Variants in MARCHF1 observed in about 807,000 individuals in gnomAD.
MARCHF1 encodes the protein membrane associated ring-CH-type finger 1.
MARCHF1 carries 40 observed loss-of-function variants against 54.2 expected under a neutral mutation model. The observed-to-expected ratio is 0.74, with a 90% CI of 0.57 to 0.96. MARCHF1 has a LOEUF of 0.96. MARCHF1 is among the 40% of genes least tolerant of loss of function. The pLI is 0.00. For synonymous variants in MARCHF1, 236 were observed against 236.3 expected, an observed-to-expected ratio of 1.00 and a Z score of 0.01; for missense variants, 586 against 656.5, an observed-to-expected ratio of 0.89 and a Z score of 1.17.
At chr4:163,818,267 A>T (rs897073846) in intron 4 of MARCHF1, among the ~76,000 whole-genome samples, 13 of 151,724 alleles carry the variant, frequency 8.6e-5, no homozygotes, top group African/African-American at 2.4e-4. Context: ...TTTTATTATT[A>T]TTTTTTTAAG....
chr4:164,378,154 G>A (rs779243128), intron 1 of MARCHF1, among the ~76,000 whole-genome samples: 8 of 152,198 alleles, frequency 5.3e-5, no homozygotes, highest in Non-Finnish European at 8.8e-5. Context: ...TTCACAATAT[G>A]TTTTTTCCCC....
chr4:164,176,915 T>C (rs988095460), intron 1 of MARCHF1, among the ~76,000 whole-genome samples: 1 of 145,374 alleles, frequency 6.9e-6, no homozygotes, highest in African/African-American at 2.5e-5. Context: ...TAAATTCAAT[T>C]TGTTATTTAT....
intron 4 of MARCHF1, among the ~76,000 whole-genome samples, chr4:163,723,464 C>G (rs1236342419): frequency 6.6e-6 from 1 of 152,134 alleles, no homozygotes; most frequent in East Asian, 1.9e-4. Context: ...ACATTTTTTC[C>G]TTCATTTCAA....
At chr4:164,344,035 T>C (rs1271827777) in intron 1 of MARCHF1, among the ~76,000 whole-genome samples, 1 of 152,150 alleles carries the variant, frequency 6.6e-6, no homozygotes, top group East Asian at 1.9e-4. Flanking sequence ...CATGGACTAC[T>C]ATGCAGCCAT....
intron 1 of MARCHF1, among the ~76,000 whole-genome samples, chr4:164,326,449 G>A (rs1379694731): frequency 2.0e-5 from 3 of 152,108 alleles, no homozygotes; most frequent in Non-Finnish European, 4.4e-5. Context: ...AGAGATACAG[G>A]TAATCATCAA....
At chr4:163,783,796 T>G (rs1428973187) in intron 4 of MARCHF1, among the ~76,000 whole-genome samples, 1 of 152,202 alleles carries the variant, frequency 6.6e-6, no homozygotes, top group Non-Finnish European at 1.5e-5. Context: ...GCTGGTCCCT[T>G]TCTCATAATA....
intron 5 of MARCHF1, among the ~76,000 whole-genome samples, chr4:163,641,809 G>A (rs181583236): frequency 3.9e-4 from 60 of 152,264 alleles, no homozygotes; most frequent in Non-Finnish European, 6.8e-4. Flanking sequence ...CTAGAGATTA[G>A]TGAGACAAAG....
At chr4:163,762,665 T>C (rs1163824008) in intron 4 of MARCHF1, among the ~76,000 whole-genome samples, 1 of 152,122 alleles carries the variant, frequency 6.6e-6, no homozygotes, top group Middle Eastern at 3.2e-3. Context: ...ATTATACAAA[T>C]AGCACACTTA....
chr4:164,369,058 T>C lies in MARCHF1; in HGVS notation c.-323+14812A>G, dbSNP rs545635910. ...GCAAGGGTCCATCAGAGTTGTCCTA[T>C]GACTGAACGTTTATATCAGCTCCCT... is the stretch of plus-strand genomic sequence containing the variant. On this transcript the variant is annotated intron_variant, in intron 1 of 9. Transcript: ENST00000514618. Among the ~76,000 whole-genome samples the C allele has an allele frequency of 4.4e-5, 6 of 135,400 alleles. No homozygotes were observed. In the East Asian group the frequency reaches 1.3e-3, roughly 30 times the overall value. 88.8% of individuals were successfully genotyped at this position (135,400 alleles called of 152,430 possible).
intron 3 of MARCHF1, among the ~76,000 whole-genome samples, chr4:163,940,587 T>C (rs1228064787): frequency 6.6e-6 from 1 of 152,190 alleles, no homozygotes; most frequent in East Asian, 1.9e-4. Flanking sequence ...GCATCAGGTG[T>C]AACATCAAAA....
At chr4:164,328,617 C>T (rs1392626382) in intron 1 of MARCHF1, among the ~76,000 whole-genome samples, 1 of 151,792 alleles carries the variant, frequency 6.6e-6, no homozygotes, top group Non-Finnish European at 1.5e-5. Context: ...GCAACCTCTG[C>T]CTCCTGGGTT....
intron 8 of MARCHF1, among the ~76,000 whole-genome samples, chr4:163,579,724 CATT>C (rs1221073563): frequency 6.6e-6 from 1 of 151,944 alleles, no homozygotes; most frequent in Non-Finnish European, 1.5e-5. Flanking sequence ...TTTTTGCAAG[CATT>C]ATAGGAAAGC....
chr4:164,063,915 G>A (rs1266864333), intron 2 of MARCHF1, among the ~76,000 whole-genome samples: 1 of 152,014 alleles, frequency 6.6e-6, no homozygotes, highest in Admixed American at 6.6e-5. Context: ...TATTTAATAG[G>A]GAATTATTTC....
At chr4:163,616,817 A>G (rs1741529827) in intron 5 of MARCHF1, among the ~76,000 whole-genome samples, 1 of 150,784 alleles carries the variant, frequency 6.6e-6, no homozygotes, top group Non-Finnish European at 1.5e-5. Context: ...TTGGAATGTA[A>G]TTTAGTACAG....
chr4:163,851,316 T>C (rs1049937634), intron 4 of MARCHF1, among the ~76,000 whole-genome samples: 5 of 152,146 alleles, frequency 3.3e-5, no homozygotes, highest in Non-Finnish European at 7.4e-5. Flanking sequence ...GACCTCTAGA[T>C]TGGGAGACTT....
intron 4 of MARCHF1, among the ~76,000 whole-genome samples, chr4:163,800,580 A>C (rs1238816538): frequency 6.6e-6 from 1 of 152,068 alleles, no homozygotes; most frequent in Admixed American, 6.6e-5. Context: ...GATGACAATA[A>C]AAAGATACAT....
chr4:163,541,730 T>C (rs185085651), intron 9 of MARCHF1, among the ~76,000 whole-genome samples: 28 of 152,334 alleles, frequency 1.8e-4, no homozygotes, highest in African/African-American at 6.3e-4. Flanking sequence ...TTTAAAATAT[T>C]TTAAAGGTTT....
intron 1 of MARCHF1, among the ~76,000 whole-genome samples, chr4:164,325,637 G>A (rs1735256986): frequency 2.0e-5 from 3 of 151,952 alleles, no homozygotes; most frequent in African/African-American, 7.2e-5. Context: ...GCTGAGGCAG[G>A]AGAATCGCTT....
intron 1 of MARCHF1, among the ~76,000 whole-genome samples, chr4:164,148,878 A>G (rs1386108334): frequency 6.6e-6 from 1 of 152,104 alleles, no homozygotes; most frequent in Non-Finnish European, 1.5e-5. Flanking sequence ...TCCTAACACG[A>G]TATTTAATTT....
Sources: allele counts gnomAD v4.1 joint callset (sites outside exome capture counted in the v4.1 genomes callset), GRCh38; gene constraint gnomAD v4.1.1; transcripts MANE v1.5; gene names NCBI Gene and HGNC (gene_info 2026-07-23, HGNC 2026-07-21).